Variants in HLF observed in about 807,000 individuals in gnomAD.
HLF encodes the protein HLF transcription factor, PAR bZIP family member, also known as hepatic leukemia factor.
In HLF, 3 loss-of-function variants were observed where a neutral mutation model predicts 22.6. That is an observed-to-expected ratio of 0.13 (90% confidence interval 0.06 to 0.34). The LOEUF (loss-of-function observed/expected upper bound fraction) is 0.34. Ranked by LOEUF, HLF falls within the 10% of genes least tolerant of loss-of-function variation. The probability of loss-of-function intolerance (pLI) is 1.00; values close to 1 mark genes in which losing one functional copy is unlikely to be tolerated. For missense variants in HLF, 299 were observed against 389.2 expected (o/e 0.77, Z 1.95); for synonymous variants, 151 against 151.8 (o/e 0.99, Z 0.04).
chr17:55,301,744 G>C (rs918159954), intron 2 of HLF, among the ~76,000 whole-genome samples: 2 of 152,212 alleles, frequency 1.3e-5, no homozygotes, highest in African/African-American at 4.8e-5. Context: ...GGCTTCCTTT[G>C]ATCATGGTGG....
At position 55,324,446 on chromosome 17, in the gene HLF, T is replaced by C. The variant is rs982181308; in HGVS notation, c.*3567T>C. ...CTATTCTTTGGTTTTTCTAGTAGTTTATCTCATTTTACCCTATTCTTCCTT... is the reference window on the plus strand; with the variant it reads ...CTATTCTTTGGTTTTTCTAGTAGTTCATCTCATTTTACCCTATTCTTCCTT... On this transcript the variant is annotated 3_prime_UTR_variant, in exon 4 of 4. Transcript: ENST00000226067. The C allele has an allele frequency of 8.6e-6, 2 of 231,690 alleles. No homozygotes were observed. The highest frequency in any genetic ancestry group is 6.1e-5 in the East Asian group (1 of 16,406). The allele number at this position is 231,690 out of a possible 1,614,324, so 14.4% of individuals were successfully genotyped here.
At chr17:55,277,467 T>C (rs2080915703) in intron 2 of HLF, among the ~76,000 whole-genome samples, 1 of 152,068 alleles carries the variant, frequency 6.6e-6, no homozygotes, top group East Asian at 1.9e-4. Context: ...GGAGTCATTA[T>C]TACAGTTTTG....
At chr17:55,317,818 CA>C (rs148913474) in intron 3 of HLF, among the ~76,000 whole-genome samples, 2,317 of 152,300 alleles carry the variant, frequency 0.015, 60 homozygotes, top group African/African-American at 0.053. Context: ...TTGAGCCAAT[CA>C]TTAGGGTTAG....
intron 2 of HLF, among the ~76,000 whole-genome samples, chr17:55,299,012 A>G (rs2081133764): frequency 6.6e-6 from 1 of 152,210 alleles, no homozygotes. Flanking sequence ...AGTTCTTCCC[A>G]TGATACCTCA....
intron 2 of HLF, among the ~76,000 whole-genome samples, chr17:55,312,628 TTA>T (rs1181925757): frequency 6.6e-6 from 1 of 152,220 alleles, no homozygotes; most frequent in Non-Finnish European, 1.5e-5. Context: ...GTTAAATCAC[TTA>T]TGTGTAAAAA....
chr17:55,324,296 C>T lies in HLF; in HGVS notation c.*3417C>T. ...TCTAACCCACTGGTTTGGTGGGGAACTCACAGTAATTCCAAATGTACAATC... is the reference window on the plus strand; with the variant it reads ...TCTAACCCACTGGTTTGGTGGGGAATTCACAGTAATTCCAAATGTACAATC... On this transcript the variant is annotated 3_prime_UTR_variant, in exon 4 of 4. Coordinates refer to ENST00000226067, the MANE Select transcript of HLF (RefSeq NM_002126.5). 2 of 227,482 alleles carry T rather than the reference C, an allele frequency of 8.8e-6. No individual in the cohort carries two copies. The highest frequency in any genetic ancestry group is 1.7e-5 in the Non-Finnish European group (2 of 114,368). 14.1% of individuals were successfully genotyped at this position (227,482 alleles called of 1,614,324 possible). A position where few individuals can be genotyped will look rare whatever the true frequency, so the allele number is the denominator to read the frequency against.
intron 2 of HLF, among the ~76,000 whole-genome samples, chr17:55,281,786 T>C (rs1269354072): frequency 6.6e-6 from 1 of 152,178 alleles, no homozygotes; most frequent in Non-Finnish European, 1.5e-5. Flanking sequence ...TTTCTTTTTT[T>C]CTCCATCAGC....
At position 55,265,339 on chromosome 17, in the gene HLF, A is replaced by G; in HGVS notation, c.-146A>G. 2 of 604,028 alleles carry G rather than the reference A, an allele frequency of 3.3e-6. No individual in the cohort carries two copies. The highest frequency in any genetic ancestry group is 3.0e-5 in the Admixed American group (1 of 33,490). The allele number at this position is 604,028 out of a possible 1,614,324, so 37.4% of individuals were successfully genotyped here. On this transcript the variant is annotated 5_prime_UTR_variant, in exon 1 of 4. In the 5' UTR this introduces an upstream ATG that the reference lacks. Transcript: ENST00000226067. ...TATGCAGATGTATTTATAAAGATAT[A>G]AGTAATTTTTTTCTTCCCTTTTCTC...
intron 2 of HLF, among the ~76,000 whole-genome samples, chr17:55,277,504 G>A (rs989422347): frequency 2.6e-5 from 4 of 151,366 alleles, no homozygotes; most frequent in African/African-American, 9.7e-5. Flanking sequence ...CCTTGTATTT[G>A]TGGCTCCCTT....
chr17:55,268,666 GT>G (rs1316209229), intron 2 of HLF, among the ~76,000 whole-genome samples: 3 of 151,050 alleles, frequency 2.0e-5, no homozygotes, highest in Non-Finnish European at 4.4e-5. Context: ...CTCATATTGT[GT>G]TTCTGAGCCT....
chr17:55,292,861 T>C (rs2081076804), intron 2 of HLF, among the ~76,000 whole-genome samples: 1 of 151,946 alleles, frequency 6.6e-6, no homozygotes, highest in African/African-American at 2.4e-5. Context: ...GAATTGGAGG[T>C]CATTTATGTT....
At chr17:55,289,711 A>G (rs2081041730) in intron 2 of HLF, among the ~76,000 whole-genome samples, 1 of 152,216 alleles carries the variant, frequency 6.6e-6, no homozygotes, top group Admixed American at 6.5e-5. Flanking sequence ...ATATTCATAT[A>G]TAAATTTACC....
At chr17:55,268,456 C>T (rs868752458) in intron 2 of HLF, among the ~76,000 whole-genome samples, 16 of 152,296 alleles carry the variant, frequency 1.1e-4, no homozygotes, top group South Asian at 2.1e-4. Context: ...AAGCCTCCAT[C>T]GCATCTTGTA....
At chr17:55,277,255 G>C (rs796456615) in intron 2 of HLF, among the ~76,000 whole-genome samples, 2 of 138,440 alleles carry the variant, frequency 1.4e-5, no homozygotes, top group African/African-American at 6.0e-5. Flanking sequence ...GTGTGTGTGT[G>C]TGTGTGTGTG....
chr17:55,284,393 C>T (rs1200486748), intron 2 of HLF, among the ~76,000 whole-genome samples: 1 of 152,198 alleles, frequency 6.6e-6, no homozygotes, highest in Non-Finnish European at 1.5e-5. Flanking sequence ...GCCTGACTTC[C>T]TCTGCTACTG....
rs1362948140 is a variant in HLF, at chr17:55,267,867, G to A, written c.232G>A (p.Gly78Arg). ...ATGGGACAAAACCCTTCCCTATGAC[G>A]GAGATACTTTCCAGTTGGAATACAT... ...TLWDKTLPYD[G>R]DTFQLEYMDL... is the part of the protein sequence containing the mutation. Residue 78 changes from glycine (G) to arginine (R), a missense_variant, in exon 2 of 4, where the codon GGA becomes AGA. Gly to Arg is a moderately radical substitution (Grantham distance 125). This residue lies in a region of HLF where 224 missense variants were observed against 298.1 expected (regional missense o/e 0.75). Coordinates refer to ENST00000226067, the MANE Select transcript of HLF (RefSeq NM_002126.5). 1.4e-5 allele frequency: 23 copies of A among 1,613,964 alleles called. No homozygotes were observed. Among genetic ancestry groups the A allele is most frequent in the Non-Finnish European group, 1.8e-5 (21 of 1,180,018 alleles).
chr17:55,298,546 G>A (rs1388747509), intron 2 of HLF, among the ~76,000 whole-genome samples: 1 of 152,166 alleles, frequency 6.6e-6, no homozygotes, highest in African/African-American at 2.4e-5. Context: ...GCTAATCTTA[G>A]TGCAAGCTGG....
rs757703411 is a variant in HLF at position 55,320,895 on chromosome 17, G to A, written c.*16G>A. ...GCCCCTGTAGGATGGCATTTTTGCA[G>A]GCTGGCTTTGGAATAGATGGACAGT... On this transcript the variant is annotated 3_prime_UTR_variant, in exon 4 of 4. Coordinates refer to ENST00000226067, the MANE Select transcript of HLF (RefSeq NM_002126.5). This position sits in a 1 kb window ranked among gnomAD's most constrained non-coding sequence, Gnocchi z 4.2. The A allele has an allele frequency of 6.3e-7, 1 of 1,594,854 alleles. No homozygotes were observed. Among genetic ancestry groups the A allele is most frequent in the East Asian group, 2.2e-5 (1 of 44,600 alleles).
intron 2 of HLF, among the ~76,000 whole-genome samples, chr17:55,312,965 T>G: frequency 6.6e-6 from 1 of 152,170 alleles, no homozygotes; most frequent in African/African-American, 2.4e-5. Context: ...AATATAAATA[T>G]ATAAGATGGC....
Sources: gnomAD v4.1 joint callset for allele counts (sites outside exome capture counted in the v4.1 genomes callset) on GRCh38, gnomAD v4.1.1 for gene constraint, gnomAD v4.1.1 regional missense constraint, Gnocchi (gnomAD v3.1) non-coding constraint, MANE v1.5 for transcripts, NCBI Gene and HGNC (gene_info 2026-07-23, HGNC 2026-07-21) for gene names.